CRTC3: variants seen among roughly 807,000 people sequenced by gnomAD.
The protein encoded by CRTC3 is CREB regulated transcription coactivator 3.
Under a neutral mutation model 74.5 loss-of-function variants are expected in CRTC3, and 26 were observed. That is an observed-to-expected ratio of 0.35 (90% confidence interval 0.26 to 0.48). CRTC3 has a LOEUF of 0.48. Ranked by LOEUF, CRTC3 falls within the 20% of genes least tolerant of loss-of-function variation. CRTC3 has a pLI of 0.99. For missense variants in CRTC3, 760 were observed against 787.3 expected (o/e 0.97, Z 0.41); for synonymous variants, 377 against 325.8 (o/e 1.16, Z -1.69).
chr15:90,550,848 A>G (rs1208708580), intron 2 of CRTC3, among the ~76,000 whole-genome samples: 1 of 150,298 alleles, frequency 6.7e-6, no homozygotes, highest in African/African-American at 2.5e-5. Context: ...ACGGGTTTGT[A>G]GGGAAGGATG....
At chr15:90,631,143 G>A (rs1420916393) in intron 11 of CRTC3, among the ~76,000 whole-genome samples, 2 of 152,180 alleles carry the variant, frequency 1.3e-5, no homozygotes, top group African/African-American at 4.8e-5. Flanking sequence ...AGAGTTGACA[G>A]AACACAACGG....
intron 2 of CRTC3, among the ~76,000 whole-genome samples, chr15:90,542,108 T>G (rs554201078): frequency 6.6e-6 from 1 of 151,906 alleles, no homozygotes; most frequent in South Asian, 2.1e-4. Flanking sequence ...CATACTGTTT[T>G]TGTTTTGTTT....
chr15:90,629,884 G>C (rs1040340880), intron 11 of CRTC3, among the ~76,000 whole-genome samples: 3 of 152,012 alleles, frequency 2.0e-5, no homozygotes, highest in African/African-American at 7.2e-5. Context: ...CACCATACCT[G>C]ACTAATTTTT....
intron 1 of CRTC3, among the ~76,000 whole-genome samples, chr15:90,531,076 C>T (rs1473432729): frequency 6.6e-6 from 1 of 150,958 alleles, no homozygotes; most frequent in Non-Finnish European, 1.5e-5. Flanking sequence ...TTCTGGGGGA[C>T]TGAGGCGGGG....
At chr15:90,587,299 G>A (rs577931202) in intron 2 of CRTC3, among the ~76,000 whole-genome samples, 3 of 152,138 alleles carry the variant, frequency 2.0e-5, no homozygotes, top group Admixed American at 1.3e-4. Flanking sequence ...ACTGTCTGCC[G>A]TTAGCTCTAA....
At chr15:90,634,758 C>T in intron 11 of CRTC3, 12 of 1,056,926 alleles carry the variant, frequency 1.1e-5, no homozygotes, top group Non-Finnish European at 1.6e-5. Context: ...GTTTTTTCCA[C>T]TCTCTGACTG....
chr15:90,631,934 T>TCTGTCAC (rs1475674533), intron 11 of CRTC3, among the ~76,000 whole-genome samples: 1 of 151,806 alleles, frequency 6.6e-6, no homozygotes, highest in African/African-American at 2.4e-5. Context: ...AGCGTTTCAC[T>TCTGTCAC]CTGTCACCCA....
At chr15:90,640,478 G>T (rs1490408986) in intron 13 of CRTC3, among the ~76,000 whole-genome samples, 1 of 152,110 alleles carries the variant, frequency 6.6e-6, no homozygotes, top group African/African-American at 2.4e-5. Context: ...TTGAACTCAG[G>T]AGTTTGAGAC....
At position 90,530,107 on chromosome 15, in the gene CRTC3, G is replaced by A. The variant is rs770142556; in HGVS notation, c.36G>A (p.Pro12=). 1 of 1,454,442 alleles carries A rather than the reference G, an allele frequency of 6.9e-7. No individual in the cohort carries two copies. The allele number at this position is 1,454,442 out of a possible 1,614,324, so 90.1% of individuals were successfully genotyped here. ...AASPGSGSAN[P]RKFSEKIALH... ...CGCCGGGCTCGGGCAGCGCCAACCC[G>A]CGGAAGTTCAGTGAGAAGATCGCGC... Residue 12 remains proline (P), a synonymous_variant, in exon 1 of 15, where the codon CCG becomes CCA. Transcript: ENST00000268184. The surrounding 1 kb of genome is among the most constrained non-coding windows in gnomAD (Gnocchi z 6.2).
chr15:90,617,869 T>G lies in CRTC3; in HGVS notation c.614-14T>G. 6.3e-7 allele frequency: 1 copy of G among 1,593,282 alleles called. No homozygotes were observed. The highest frequency in any genetic ancestry group is 8.6e-7 in the Non-Finnish European group (1 of 1,161,260). ...TCTCATGCAATGACTGTGCTGCTTTTTTTTTCCCTTTAGTAGCATCTTTCC... is the reference window on the plus strand; with the variant it reads ...TCTCATGCAATGACTGTGCTGCTTTGTTTTTCCCTTTAGTAGCATCTTTCC... On this transcript the variant is annotated splice_polypyrimidine_tract_variant and intron_variant, in intron 7 of 14. Transcript: ENST00000268184.
At chr15:90,626,394 T>A (rs1474806811) in intron 10 of CRTC3, among the ~76,000 whole-genome samples, 1 of 152,236 alleles carries the variant, frequency 6.6e-6, no homozygotes, top group African/African-American at 2.4e-5. Context: ...AAGGCAATAT[T>A]CTGCATTTTA....
At chr15:90,568,583 T>G (rs950312198) in intron 2 of CRTC3, among the ~76,000 whole-genome samples, 1 of 143,012 alleles carries the variant, frequency 7.0e-6, no homozygotes, top group Non-Finnish European at 1.5e-5. Context: ...ACTCCTGGCC[T>G]TAAGTGTTCC....
chr15:90,639,773 C>G (rs943324639), intron 13 of CRTC3, among the ~76,000 whole-genome samples: 38 of 148,176 alleles, frequency 2.6e-4, no homozygotes, highest in African/African-American at 8.4e-4. Flanking sequence ...AATAGCTGGG[C>G]ATAGTGGCTC....
chr15:90,555,490 T>G (rs564895802), intron 2 of CRTC3, among the ~76,000 whole-genome samples: 1 of 152,204 alleles, frequency 6.6e-6, no homozygotes, highest in African/African-American at 2.4e-5. Flanking sequence ...AGACGTTAAC[T>G]CTAGTGTTCT....
intron 2 of CRTC3, among the ~76,000 whole-genome samples, chr15:90,567,715 T>TAAATAAATAAATAAAA (rs1967158977): frequency 3.3e-5 from 5 of 151,650 alleles, no homozygotes; most frequent in African/African-American, 4.8e-5. Context: ...AATAAATAAA[T>TAAATAAATAAATAAAA]AAAATATCAC....
chr15:90,641,860 G>A, intron 14 of CRTC3, 72 bp from the exon 15 acceptor site: 1 of 1,295,506 alleles, frequency 7.7e-7, no homozygotes, highest in East Asian at 2.3e-5. Context: ...GTCATCAGCT[G>A]GGTTTGCTTA....
At chr15:90,545,136 T>C (rs967863417) in intron 2 of CRTC3, among the ~76,000 whole-genome samples, 1 of 152,232 alleles carries the variant, frequency 6.6e-6, no homozygotes, top group African/African-American at 2.4e-5. Context: ...CTTAGTATAA[T>C]GTCTTCAGGG....
intron 11 of CRTC3, 24 bp downstream of exon 11, chr15:90,629,556 C>T (rs928194475): frequency 9.3e-6 from 15 of 1,609,838 alleles, no homozygotes; most frequent in Admixed American, 5.0e-5. Context: ...GACAGACCAA[C>T]CACTACAGTG....
chr15:90,613,027 C>T (rs574052472), intron 6 of CRTC3, among the ~76,000 whole-genome samples: 4 of 152,054 alleles, frequency 2.6e-5, no homozygotes, highest in Non-Finnish European at 4.4e-5. Context: ...GGTGAAACCC[C>T]GTCTCTACCA....
Sources: allele counts gnomAD v4.1 joint callset (sites outside exome capture counted in the v4.1 genomes callset), GRCh38; gene constraint gnomAD v4.1.1; non-coding constraint Gnocchi (gnomAD v3.1); transcripts MANE v1.5; gene names NCBI Gene and HGNC (gene_info 2026-07-23, HGNC 2026-07-21).